The following PSD3 variants were observed in gnomAD, a reference collection of about 807,000 sequenced individuals.
PSD3 encodes the protein PH and SEC7 domain-containing protein 3.
Under a neutral mutation model 105.5 loss-of-function variants are expected in PSD3, and 49 were observed. The observed-to-expected ratio is 0.46, with a 90% CI of 0.37 to 0.59. The LOEUF is 0.59. Ranked by LOEUF, PSD3 falls within the 20% of genes least tolerant of loss-of-function variation. The probability of loss-of-function intolerance (pLI) is 0.00; values close to 1 mark genes in which losing one functional copy is unlikely to be tolerated. For synonymous variants in PSD3, 557 were observed against 457.8 expected (o/e 1.22, Z -2.77); for missense variants, 1,561 against 1,263.8 (o/e 1.24, Z -3.57).
intron 15 of PSD3, 48 bp downstream of exon 15, chr8:18,556,161 T>C (rs1472379421): frequency 2.5e-6 from 4 of 1,602,008 alleles, no homozygotes; most frequent in East Asian, 2.2e-5. Flanking sequence ...GGACAGATCA[T>C]AAGAAAACTC....
At chr8:18,631,058 T>C (rs1355443245) in intron 11 of PSD3, among the ~76,000 whole-genome samples, 1 of 151,928 alleles carries the variant, frequency 6.6e-6, no homozygotes, top group Non-Finnish European at 1.5e-5. Flanking sequence ...AGCCTATAGA[T>C]TTCAGTGCCA....
At chr8:18,556,162 A>T (rs752700677) in intron 15 of PSD3, 47 bp downstream of exon 15, 1 of 1,602,756 alleles carries the variant, frequency 6.2e-7, no homozygotes, top group Non-Finnish European at 8.5e-7. Context: ...GACAGATCAT[A>T]AGAAAACTCA....
intron 4 of PSD3, among the ~76,000 whole-genome samples, chr8:18,842,561 G>A (rs1162043102): frequency 4.6e-5 from 7 of 151,634 alleles, no homozygotes; most frequent in Middle Eastern, 3.4e-3. Flanking sequence ...GTGAAACCCC[G>A]TGTCTACTAA....
chr8:18,803,389 C>CTCTGTGTGTG (rs1554507246), intron 6 of PSD3: 1 of 143,254 alleles, frequency 7.0e-6, no homozygotes, highest in Admixed American at 7.0e-5. Flanking sequence ...AATCTATAAA[C>CTCTGTGTGTG]TGTGTGTGTG....
intron 9 of PSD3, among the ~76,000 whole-genome samples, chr8:18,667,092 T>A (rs1392601860): frequency 6.6e-6 from 1 of 152,098 alleles, no homozygotes; most frequent in African/African-American, 2.4e-5. Flanking sequence ...TTACAGCTCA[T>A]AAAGGCAGTG....
At chr8:19,078,579 G>C (rs1829533906) in intron 1 of PSD3, among the ~76,000 whole-genome samples, 1 of 151,932 alleles carries the variant, frequency 6.6e-6, no homozygotes, top group African/African-American at 2.4e-5. Flanking sequence ...CAACCTTTAT[G>C]AGTTGTCCCT....
At chr8:18,626,808 G>C (rs1365564333) in intron 11 of PSD3, among the ~76,000 whole-genome samples, 1 of 152,106 alleles carries the variant, frequency 6.6e-6, no homozygotes, top group Non-Finnish European at 1.5e-5. Flanking sequence ...AATGAGGTTG[G>C]TGGGGGAGAC....
At chr8:18,595,762 A>G (rs1410350815) in intron 12 of PSD3, among the ~76,000 whole-genome samples, 1 of 152,144 alleles carries the variant, frequency 6.6e-6, no homozygotes, top group Admixed American at 6.6e-5. Flanking sequence ...ACGTAAATAT[A>G]TAGAGTAAAC....
chr8:18,936,422 T>C (rs1054571120), intron 1 of PSD3, among the ~76,000 whole-genome samples: 7 of 152,162 alleles, frequency 4.6e-5, no homozygotes, highest in African/African-American at 1.4e-4. Context: ...GGCTGAATTA[T>C]GGTCGGTTTT....
intron 11 of PSD3, among the ~76,000 whole-genome samples, chr8:18,616,928 C>A (rs2130687654): frequency 6.6e-6 from 1 of 152,272 alleles, no homozygotes; most frequent in African/African-American, 2.4e-5. Context: ...CGGCCATCTT[C>A]CTCTCTTTTC....
chr8:19,045,782 G>T (rs1204267711), intron 1 of PSD3, among the ~76,000 whole-genome samples: 3 of 152,106 alleles, frequency 2.0e-5, no homozygotes. Flanking sequence ...TAACATTTGT[G>T]GGTCACCTCC....
rs558818999 is a variant in PSD3, at chr8:18,664,533, A to C, written c.2173-8848T>G. Among the ~76,000 whole-genome samples, 5 of 152,342 alleles carry C rather than the reference A, an allele frequency of 3.3e-5. No individual in the cohort carries two copies. In the South Asian group the frequency reaches 1.0e-3, roughly 32 times the overall value. On this transcript the variant is annotated intron_variant, in intron 9 of 15. Transcript: ENST00000327040. ...GTCGGTTCGTGAGGTTTAAGGAAAG[A>C]AGCAGACCCTGTAATATAAAAGTCC...
At chr8:18,774,127 A>G (rs189311584) in intron 8 of PSD3, among the ~76,000 whole-genome samples, 1 of 152,294 alleles carries the variant, frequency 6.6e-6, no homozygotes, top group African/African-American at 2.4e-5. Context: ...ATAGTCCTGA[A>G]GATCCTCTAC....
At chr8:18,593,569 T>C (rs558619492) in intron 12 of PSD3, among the ~76,000 whole-genome samples, 3 of 152,276 alleles carry the variant, frequency 2.0e-5, no homozygotes, top group African/African-American at 7.2e-5. Context: ...AGTGTGGTGA[T>C]TCCTCAGGGA....
rs557517369 is a variant in PSD3 at position 18,872,203 on chromosome 8, A to G, written c.661T>C (p.Leu221=). Reference sequence around the variant, plus strand: ...ATCTCTGCCTGAGTGTCTCCAGTTAACAGCGCGGTGAGATCTTTCTGGATG... The same window carrying G: ...ATCTCTGCCTGAGTGTCTCCAGTTAGCAGCGCGGTGAGATCTTTCTGGATG... ...LSIQKDLTAL[L]TGDTQAEISQ... is the part of the protein sequence containing the mutation. The change falls in exon 3 of 16, where the codon TTA becomes CTA. Residue 221 remains leucine (L), a synonymous_variant. Coordinates refer to ENST00000327040, the MANE Select transcript of PSD3 (RefSeq NM_015310.4). 5.0e-6 allele frequency: 8 copies of G among 1,614,176 alleles called. No homozygotes were observed. The Admixed American group carries it at 1.2e-4, about 24-fold the overall frequency.
At chr8:19,074,070 C>G (rs1391121470) in intron 1 of PSD3, among the ~76,000 whole-genome samples, 3 of 152,204 alleles carry the variant, frequency 2.0e-5, no homozygotes, top group South Asian at 4.2e-4. Flanking sequence ...GATTACAGGC[C>G]CGAGCCACCG....
At chr8:19,058,428 G>A (rs1436345360) in intron 1 of PSD3, among the ~76,000 whole-genome samples, 1 of 147,604 alleles carries the variant, frequency 6.8e-6, no homozygotes, top group Non-Finnish European at 1.5e-5. Flanking sequence ...AAAATTATAT[G>A]ATATATTACA....
At chr8:18,815,341 C>G (rs1013960999) in intron 4 of PSD3, among the ~76,000 whole-genome samples, 2 of 152,046 alleles carry the variant, frequency 1.3e-5, no homozygotes, top group Admixed American at 6.6e-5. Flanking sequence ...TGGAGTCTCG[C>G]TCTGTTGCCC....
intron 1 of PSD3, among the ~76,000 whole-genome samples, chr8:19,012,111 G>A (rs914286181): frequency 2.6e-5 from 4 of 152,206 alleles, no homozygotes; most frequent in African/African-American, 9.6e-5. Context: ...CAGTGGCAAA[G>A]CCTCTAAGCT....
Sources: gnomAD v4.1 joint callset for allele counts (sites outside exome capture counted in the v4.1 genomes callset) on GRCh38, gnomAD v4.1.1 for gene constraint, MANE v1.5 for transcripts, NCBI Gene and HGNC (gene_info 2026-07-23, HGNC 2026-07-21) for gene names.